The following FAM53A variants were observed in gnomAD, a reference collection of about 807,000 sequenced individuals.
The protein encoded by FAM53A is family with sequence similarity 53 member A, also known as protein FAM53A.
Under a neutral mutation model 26.6 loss-of-function variants are expected in FAM53A, and 28 were observed. The observed-to-expected ratio is 1.05, with a 90% CI of 0.78 to 1.45. The LOEUF (loss-of-function observed/expected upper bound fraction) is 1.45. Among genes scored for constraint, FAM53A ranks in the 40% most tolerant of loss-of-function variants. The pLI is 0.00. For missense variants in FAM53A, 650 were observed against 575.8 expected, an observed-to-expected ratio of 1.13 and a Z score of -1.32; for synonymous variants, 290 against 253.1, an observed-to-expected ratio of 1.15 and a Z score of -1.38.
At chr4:1,660,858 G>C (rs1560180926) in intron 2 of FAM53A, among the ~76,000 whole-genome samples, 1 of 151,736 alleles carries the variant, frequency 6.6e-6, no homozygotes, top group Non-Finnish European at 1.5e-5. Flanking sequence ...TCCAGCCTGG[G>C]TGACAGAGCC....
At chr4:1,653,441 C>T (rs1054518595) in intron 4 of FAM53A, among the ~76,000 whole-genome samples, 28 of 152,158 alleles carry the variant, frequency 1.8e-4, no homozygotes, top group African/African-American at 6.8e-4. Flanking sequence ...TCATTCCCCG[C>T]CCCACAACGT....
At chr4:1,612,831 G>A in the FAM53A span, among the ~76,000 whole-genome samples, 2 of 152,156 alleles carry the variant, frequency 1.3e-5, no homozygotes, top group Non-Finnish European at 2.9e-5. Context: ...TCTCGGGCAC[G>A]TGATCACACA....
the FAM53A span, among the ~76,000 whole-genome samples, chr4:1,602,390 A>C: frequency 6.6e-6 from 1 of 152,236 alleles, no homozygotes; most frequent in East Asian, 1.9e-4. Context: ...AGGTGGCGAC[A>C]GGCTGGGGTC....
intron 4 of FAM53A, among the ~76,000 whole-genome samples, chr4:1,649,175 A>C (rs1304368069): frequency 3.8e-5 from 5 of 130,978 alleles, no homozygotes; most frequent in African/African-American, 1.5e-4. Flanking sequence ...GGGAAAGGGA[A>C]AGGGAAGGGG....
chr4:1,602,903 G>A, the FAM53A span, among the ~76,000 whole-genome samples: 1 of 152,184 alleles, frequency 6.6e-6, no homozygotes, highest in Non-Finnish European at 1.5e-5. Flanking sequence ...CACCACTCCA[G>A]GACGCCCCCT....
intron 1 of FAM53A, among the ~76,000 whole-genome samples, chr4:1,621,122 T>TTTTTTTTTTTTA (rs1715013261): frequency 7.0e-6 from 1 of 142,334 alleles, no homozygotes; most frequent in South Asian, 2.2e-4. Flanking sequence ...TTTTTTTTTT[T>TTTTTTTTTTTTA]GAGATGGAGT....
At chr4:1,588,884 T>G in the FAM53A span, among the ~76,000 whole-genome samples, 1 of 152,264 alleles carries the variant, frequency 6.6e-6, no homozygotes, top group Non-Finnish European at 1.5e-5. Flanking sequence ...GTTCTATTGA[T>G]GTATCTGCAG....
chr4:1,662,777 G>A (rs2108962940), intron 2 of FAM53A, among the ~76,000 whole-genome samples: 1 of 152,166 alleles, frequency 6.6e-6, no homozygotes, highest in Admixed American at 6.5e-5. Context: ...ATGAGCACAT[G>A]AAAATATGCT....
the FAM53A span, among the ~76,000 whole-genome samples, chr4:1,593,981 G>C: frequency 1.3e-5 from 2 of 152,190 alleles, no homozygotes; most frequent in Non-Finnish European, 2.9e-5. Context: ...TCTAGGGCAG[G>C]GCGGCGTTGC....
chr4:1,575,488 C>T, the FAM53A span, among the ~76,000 whole-genome samples: 1 of 152,130 alleles, frequency 6.6e-6, no homozygotes, highest in Non-Finnish European at 1.5e-5. Flanking sequence ...GTGACAGGCA[C>T]AGGCAGTGCC....
chr4:1,621,785 C>T (rs536468162), intron 1 of FAM53A, among the ~76,000 whole-genome samples: 1 of 152,360 alleles, frequency 6.6e-6, no homozygotes, highest in South Asian at 2.1e-4. Flanking sequence ...AACGTCTGGC[C>T]CGTGCCGTCC....
chr4:1,644,647 G>A, intron 4 of FAM53A: 1 of 346,378 alleles, frequency 2.9e-6, no homozygotes, highest in Non-Finnish European at 5.3e-6. Context: ...TTCCATCTGA[G>A]GTTAAACACA....
rs187035454 is a variant in FAM53A, at chr4:1,662,505, C to T, written c.76-5037G>A. Reference sequence around the variant, plus strand: ...AAAAAAAAAAAAAAAAAAAAAAAAGCTGGGTGTGGTCACACATGTCTGTAG... The same window carrying T: ...AAAAAAAAAAAAAAAAAAAAAAAAGTTGGGTGTGGTCACACATGTCTGTAG... On this transcript the variant is annotated intron_variant, in intron 2 of 4. Transcript: ENST00000308132. Among the ~76,000 whole-genome samples the T allele has an allele frequency of 9.4e-3, 1,166 of 123,554 alleles. 13 individuals carry two copies. Among genetic ancestry groups the T allele is most frequent in the African/African-American group, 0.032 (1,117 of 34,468 alleles). 81.1% of individuals were successfully genotyped at this position (123,554 alleles called of 152,430 possible). A position where few individuals can be genotyped will look rare whatever the true frequency, so the allele number is the denominator to read the frequency against.
intron 1 of FAM53A, among the ~76,000 whole-genome samples, chr4:1,681,315 C>T (rs1715422246): frequency 6.6e-6 from 1 of 152,066 alleles, no homozygotes; most frequent in Non-Finnish European, 1.5e-5. Context: ...CCAAGCTGCT[C>T]TTCAACTCTT....
rs780659356 is a variant in FAM53A at position 1,655,647 on chromosome 4, G to A, written c.213C>T (p.Phe71=). The A allele has an allele frequency of 1.3e-6, 2 of 1,597,026 alleles. No homozygotes were observed. The highest frequency in any genetic ancestry group is 2.3e-5 in the East Asian group (1 of 43,890). ...SQAATGPDFS[F]LPGLSAAAHT... Reference sequence around the variant, plus strand: ...GAGCGGCAGCAGACAGGCCCGGCAGGAAGGAGAAATCAGGGCCCGTGGCTG... The same window carrying A: ...GAGCGGCAGCAGACAGGCCCGGCAGAAAGGAGAAATCAGGGCCCGTGGCTG... Residue 71 remains phenylalanine (F), a synonymous_variant, in exon 4 of 5, where the codon TTC becomes TTT. Transcript: ENST00000308132.
downstream of FAM53A, among the ~76,000 whole-genome samples, chr4:1,635,518 C>T (rs1276432820): frequency 1.3e-5 from 2 of 152,172 alleles, no homozygotes; most frequent in Non-Finnish European, 2.9e-5. Context: ...AAGCAATCCT[C>T]CCCGCTGTTG....
the FAM53A span, among the ~76,000 whole-genome samples, chr4:1,600,500 G>A: frequency 1.3e-5 from 2 of 150,580 alleles, no homozygotes; most frequent in Admixed American, 6.6e-5. Flanking sequence ...CCACCCACCC[G>A]AGGCCCTGGC....
intron 1 of FAM53A, among the ~76,000 whole-genome samples, chr4:1,631,848 T>C (rs374728659): frequency 1.3e-4 from 20 of 152,176 alleles, no homozygotes; most frequent in African/African-American, 4.6e-4. Context: ...AACAAAAAAA[T>C]TGCTCCTCAC....
At chr4:1,645,916 G>A (rs1398151974) in intron 4 of FAM53A, among the ~76,000 whole-genome samples, 1 of 152,174 alleles carries the variant, frequency 6.6e-6, no homozygotes, top group Non-Finnish European at 1.5e-5. Flanking sequence ...ATCAGGTCCT[G>A]CGGGCCTGCA....
Sources: gnomAD v4.1 joint callset for allele counts (sites outside exome capture counted in the v4.1 genomes callset) on GRCh38, gnomAD v4.1.1 for gene constraint, MANE v1.5 for transcripts, NCBI Gene and HGNC (gene_info 2026-07-23, HGNC 2026-07-21) for gene names.